Variants in IGF2BP2 observed in about 807,000 individuals in gnomAD.
IGF2BP2 encodes the protein insulin-like growth factor 2 mRNA-binding protein 2.
IGF2BP2 carries 17 observed loss-of-function variants against 75.8 expected under a neutral mutation model. The ratio of observed to expected loss-of-function variants is 0.22; its 90% CI spans 0.15 to 0.34. The LOEUF (loss-of-function observed/expected upper bound fraction) is 0.34, where lower values mean the gene tolerates loss of function less well. Among genes scored for constraint, IGF2BP2 ranks in the 10% least tolerant of loss-of-function variants. The probability of loss-of-function intolerance (pLI) is 1.00; values close to 1 mark genes in which losing one functional copy is unlikely to be tolerated. For missense variants in IGF2BP2, 516 were observed against 772.4 expected (o/e 0.67, Z 3.93); for synonymous variants, 288 against 295.6 (o/e 0.97, Z 0.26).
At chr3:185,756,195 T>A (rs1170466360) in intron 2 of IGF2BP2, among the ~76,000 whole-genome samples, 5 of 152,140 alleles carry the variant, frequency 3.3e-5, no homozygotes, top group Non-Finnish European at 5.9e-5. Flanking sequence ...ACCTCCCCCT[T>A]CTCACTCTTG....
chr3:185,770,171 T>C (rs1370708066), intron 2 of IGF2BP2, among the ~76,000 whole-genome samples: 9 of 152,114 alleles, frequency 5.9e-5, no homozygotes, highest in African/African-American at 1.4e-4. Flanking sequence ...AGAATCTACG[T>C]CTCATAAGAA....
At chr3:185,721,181 T>C (rs1217417335) in intron 2 of IGF2BP2, among the ~76,000 whole-genome samples, 1 of 152,112 alleles carries the variant, frequency 6.6e-6, no homozygotes, top group African/African-American at 2.4e-5. Context: ...ATACTCTTCT[T>C]CTTCTTTTTT....
intron 2 of IGF2BP2, among the ~76,000 whole-genome samples, chr3:185,748,175 A>C (rs1320941435): frequency 6.6e-6 from 1 of 152,198 alleles, no homozygotes. Context: ...AAGTGCTGGG[A>C]TTACAGGCGT....
Position 185,644,699 on chromosome 3 carries a change from G to C in IGF2BP2, c.*832C>G, listed in dbSNP as rs1713223521. 1 of 152,316 alleles carries C rather than the reference G, an allele frequency of 6.6e-6. No individual in the cohort carries two copies. The highest frequency in any genetic ancestry group is 2.4e-5 in the African/African-American group (1 of 41,338). The allele number at this position is 152,316 out of a possible 1,614,324, so 9.4% of individuals were successfully genotyped here. A position where few individuals can be genotyped will look rare whatever the true frequency, so the allele number is the denominator to read the frequency against. Reference sequence around the variant, plus strand: ...GAGGGAGGGGAGAGATAAACAGAGAGAGACAGAGAATTATATAGCAGTATG... The same window carrying C: ...GAGGGAGGGGAGAGATAAACAGAGACAGACAGAGAATTATATAGCAGTATG... On this transcript the variant is annotated 3_prime_UTR_variant, in exon 16 of 16. Transcript: ENST00000382199.
At chr3:185,754,899 G>A (rs1731409225) in intron 2 of IGF2BP2, among the ~76,000 whole-genome samples, 1 of 152,132 alleles carries the variant, frequency 6.6e-6, no homozygotes, top group Non-Finnish European at 1.5e-5. Flanking sequence ...TCAGAATTGG[G>A]AACAAAGAAA....
At chr3:185,716,005 G>C (rs1167307064) in intron 2 of IGF2BP2, among the ~76,000 whole-genome samples, 1 of 152,068 alleles carries the variant, frequency 6.6e-6, no homozygotes, top group Non-Finnish European at 1.5e-5. Context: ...CAAATTAAAT[G>C]CCTCTTTATC....
intron 2 of IGF2BP2, among the ~76,000 whole-genome samples, chr3:185,818,735 A>G (rs112087644): frequency 4.4e-4 from 67 of 152,330 alleles, no homozygotes; most frequent in Non-Finnish European, 8.1e-4. Flanking sequence ...AATATTTAGA[A>G]AAGCTTGAAA....
chr3:185,657,554 C>G, intron 11 of IGF2BP2, 152 bp from the exon 12 acceptor site: 2 of 587,668 alleles, frequency 3.4e-6, no homozygotes, highest in Non-Finnish European at 6.0e-6. Context: ...GATCCTTCTG[C>G]GGCCTGCGGC....
At chr3:185,675,107 T>C (rs1417714014) in intron 9 of IGF2BP2, 189 bp downstream of exon 9, 1 of 455,538 alleles carries the variant, frequency 2.2e-6, no homozygotes, top group African/African-American at 2.1e-5. Context: ...AATTTTAATG[T>C]CTTCACGTGA....
chr3:185,791,086 T>C (rs1736584074), intron 2 of IGF2BP2, among the ~76,000 whole-genome samples: 1 of 152,234 alleles, frequency 6.6e-6, no homozygotes, highest in African/African-American at 2.4e-5. Context: ...ACCCCAGACC[T>C]GGCTAGTCTA....
intron 4 of IGF2BP2, 94 bp from the exon 5 acceptor site, chr3:185,692,856 A>C: frequency 9.5e-7 from 1 of 1,052,904 alleles, no homozygotes; most frequent in East Asian, 2.4e-5. Flanking sequence ...AAAATGCATA[A>C]AACCCTCATC....
At chr3:185,666,218 A>C (rs1278948885) in intron 10 of IGF2BP2, among the ~76,000 whole-genome samples, 1 of 152,244 alleles carries the variant, frequency 6.6e-6, no homozygotes, top group East Asian at 1.9e-4. Flanking sequence ...AAAAAATTCA[A>C]ATAAGTAACT....
intron 2 of IGF2BP2, among the ~76,000 whole-genome samples, chr3:185,770,913 G>T (rs995666450): frequency 7.2e-5 from 11 of 152,104 alleles, no homozygotes; most frequent in African/African-American, 2.4e-4. Flanking sequence ...ACCACATCTG[G>T]CTAATTTATC....
At chr3:185,669,629 C>T (rs987478075) in intron 10 of IGF2BP2, among the ~76,000 whole-genome samples, 5 of 150,018 alleles carry the variant, frequency 3.3e-5, no homozygotes, top group Non-Finnish European at 7.4e-5. Flanking sequence ...TTCCAGAGTT[C>T]GGAAACCAAC....
chr3:185,693,120 T>G (rs1722168703), intron 4 of IGF2BP2: 1 of 178,234 alleles, frequency 5.6e-6, no homozygotes, highest in Admixed American at 6.0e-5. Context: ...TCCCCAATTG[T>G]TGGTAAGTAG....
At chr3:185,727,377 C>T (rs1727496131) in intron 2 of IGF2BP2, among the ~76,000 whole-genome samples, 1 of 152,148 alleles carries the variant, frequency 6.6e-6, no homozygotes, top group African/African-American at 2.4e-5. Context: ...ATGCACCAGC[C>T]TTAGCCTCCT....
At chr3:185,658,008 T>C (rs1715729711) in intron 11 of IGF2BP2, among the ~76,000 whole-genome samples, 1 of 152,176 alleles carries the variant, frequency 6.6e-6, no homozygotes, top group African/African-American at 2.4e-5. Flanking sequence ...TTGCTAGACT[T>C]TGTTCAAAGA....
At chr3:185,715,357 A>C (rs1312644543) in intron 2 of IGF2BP2, among the ~76,000 whole-genome samples, 1 of 152,198 alleles carries the variant, frequency 6.6e-6, no homozygotes, top group Admixed American at 6.5e-5. Flanking sequence ...TTCCTGAGTT[A>C]AACCACGAGG....
chr3:185,710,201 A>T (rs1222167199), intron 2 of IGF2BP2, among the ~76,000 whole-genome samples: 1 of 145,168 alleles, frequency 6.9e-6, no homozygotes, highest in Admixed American at 6.9e-5. Flanking sequence ...AATATCTTTA[A>T]ATGCCTATTT....
Sources: gnomAD v4.1 joint callset for allele counts (sites outside exome capture counted in the v4.1 genomes callset) on GRCh38, gnomAD v4.1.1 for gene constraint, MANE v1.5 for transcripts, NCBI Gene and HGNC (gene_info 2026-07-23, HGNC 2026-07-21) for gene names.